DLGAP1: variants seen among roughly 807,000 people sequenced by gnomAD.
The protein encoded by DLGAP1 is disks large-associated protein 1.
A neutral mutation model predicts 90.8 loss-of-function variants in DLGAP1; 11 were observed. The ratio of observed to expected loss-of-function variants is 0.12; its 90% CI spans 0.08 to 0.20. The LOEUF (loss-of-function observed/expected upper bound fraction) is 0.20. Ranked by LOEUF, DLGAP1 falls within the 10% of genes least tolerant of loss-of-function variation. The pLI is 1.00. For synonymous variants in DLGAP1, 558 were observed against 540.7 expected, an observed-to-expected ratio of 1.03 and a Z score of -0.44; for missense variants, 1,050 against 1,333.8, an observed-to-expected ratio of 0.79 and a Z score of 3.31.
chr18:3,671,643 G>C (rs1015390073), intron 7 of DLGAP1, among the ~76,000 whole-genome samples: 1 of 152,174 alleles, frequency 6.6e-6, no homozygotes, highest in Non-Finnish European at 1.5e-5. Context: ...AACAGATTTT[G>C]CATTTGTATT....
In DLGAP1 at chr18:3,797,809, C is replaced by T. The variant is rs1282687131; in HGVS notation, c.1172+16250G>A. ...CTGCTTCCCCAGTGATATGGTTTTG[C>T]TGTGTCCCCACCCAAATCTCATCTT... On this transcript the variant is annotated intron_variant, in intron 5 of 12. Transcript: ENST00000315677. Among the ~76,000 whole-genome samples, 3 of 152,292 alleles carry T rather than the reference C, an allele frequency of 2.0e-5. No individual in the cohort carries two copies. The East Asian group carries it at 5.8e-4, about 29-fold the overall frequency.
chr18:3,874,650 T>C, intron 4 of DLGAP1: 1 of 1,535,594 alleles, frequency 6.5e-7, no homozygotes, highest in Non-Finnish European at 8.7e-7. Flanking sequence ...TCCAAATGTA[T>C]AAGAGCCAAC....
intron 3 of DLGAP1, among the ~76,000 whole-genome samples, chr18:3,883,368 G>A (rs147364221): frequency 8.5e-4 from 129 of 152,294 alleles, no homozygotes; most frequent in African/African-American, 2.7e-3. Context: ...ATCTGGGAGC[G>A]CTCATGACAA....
At chr18:3,885,553 T>C (rs1004828613) in intron 3 of DLGAP1, 3 of 152,246 alleles carry the variant, frequency 2.0e-5, no homozygotes, top group Admixed American at 2.0e-4. Context: ...TAAGTAATGA[T>C]AACAATTGCT....
chr18:3,995,284 C>T (rs1599290022), intron 3 of DLGAP1: 1 of 151,866 alleles, frequency 6.6e-6, no homozygotes, highest in Non-Finnish European at 1.5e-5. Flanking sequence ...GACTGTGCTG[C>T]AAAGAAGCCC....
chr18:4,350,268 T>C (rs1047234227), intron 1 of DLGAP1, among the ~76,000 whole-genome samples: 2 of 152,176 alleles, frequency 1.3e-5, no homozygotes, highest in African/African-American at 4.8e-5. Context: ...AGTTATCGGA[T>C]ACAATGAAGT....
intron 2 of DLGAP1, among the ~76,000 whole-genome samples, chr18:4,008,236 C>T (rs1204319236): frequency 1.4e-4 from 21 of 151,634 alleles, no homozygotes; most frequent in Non-Finnish European, 7.4e-5. Flanking sequence ...TACACACACA[C>T]ACACACACAC....
chr18:3,613,761 T>A (rs551568672), intron 7 of DLGAP1, among the ~76,000 whole-genome samples: 7 of 152,288 alleles, frequency 4.6e-5, no homozygotes, highest in African/African-American at 1.7e-4. Context: ...GGCAATACAG[T>A]TTTATGCTTC....
intron 2 of DLGAP1, among the ~76,000 whole-genome samples, chr18:4,081,858 C>T (rs1189018443): frequency 3.3e-5 from 5 of 152,164 alleles, no homozygotes; most frequent in Non-Finnish European, 5.9e-5. Context: ...CCCTAAAAAT[C>T]ATTTACTATG....
At chr18:3,833,195 TTCCTTCCTTCCTTCC>T (rs1568210683) in intron 4 of DLGAP1, among the ~76,000 whole-genome samples, 13 of 100,614 alleles carry the variant, frequency 1.3e-4, no homozygotes, top group African/African-American at 5.0e-4. Flanking sequence ...CCTTCCTTCC[TTCCTTCCTTCCTTCC>T]TTCCTTCCTT....
chr18:3,580,647 A>G, intron 8 of DLGAP1: 4 of 1,604,296 alleles, frequency 2.5e-6, no homozygotes, highest in Non-Finnish European at 3.4e-6. Context: ...GCTGACCCAG[A>G]GGCGAGGAGA....
intron 5 of DLGAP1, among the ~76,000 whole-genome samples, chr18:3,778,243 C>A (rs1188823820): frequency 5.5e-4 from 83 of 152,056 alleles, no homozygotes; most frequent in Non-Finnish European, 7.4e-5. Flanking sequence ...GAGTTCAAGA[C>A]CAGCCTGGCC....
At chr18:4,019,997 G>A (rs75520110) in intron 2 of DLGAP1, among the ~76,000 whole-genome samples, 180 of 152,292 alleles carry the variant, frequency 1.2e-3, no homozygotes, top group African/African-American at 4.2e-3. Flanking sequence ...GACAACTCAC[G>A]TTTTATGTAG....
chr18:4,180,264 T>C (rs1409625601), intron 1 of DLGAP1, among the ~76,000 whole-genome samples: 2 of 152,186 alleles, frequency 1.3e-5, no homozygotes, highest in Admixed American at 1.3e-4. Flanking sequence ...CACTAGTGTT[T>C]GGCTTCAGTT....
At chr18:3,900,649 G>C (rs763933027) in intron 3 of DLGAP1, among the ~76,000 whole-genome samples, 1 of 152,134 alleles carries the variant, frequency 6.6e-6, no homozygotes, top group Non-Finnish European at 1.5e-5. Flanking sequence ...TCCAAGACTT[G>C]TAAAAGAGGA....
chr18:3,896,926 G>T (rs1392947612), intron 3 of DLGAP1: 1 of 152,314 alleles, frequency 6.6e-6, no homozygotes, highest in Non-Finnish European at 1.5e-5. Flanking sequence ...TACACAAAGA[G>T]GTTAAGAAGA....
chr18:4,169,581 A>G (rs2076990162), intron 1 of DLGAP1, among the ~76,000 whole-genome samples: 2 of 152,146 alleles, frequency 1.3e-5, no homozygotes, highest in South Asian at 2.1e-4. Context: ...AGCTCCCTCA[A>G]TGCTCCGATC....
intron 5 of DLGAP1, among the ~76,000 whole-genome samples, chr18:3,768,134 A>G (rs2064341296): frequency 6.6e-6 from 1 of 152,176 alleles, no homozygotes; most frequent in African/African-American, 2.4e-5. Context: ...ACATACAAAA[A>G]TCAGTTGTAT....
intron 1 of DLGAP1, among the ~76,000 whole-genome samples, chr18:4,234,252 T>C (rs1351436626): frequency 6.6e-6 from 1 of 152,164 alleles, no homozygotes; most frequent in African/African-American, 2.4e-5. Context: ...CAGAAAATTA[T>C]GTTAGTTGCA....
Sources: gnomAD v4.1 joint callset for allele counts (sites outside exome capture counted in the v4.1 genomes callset) on GRCh38, gnomAD v4.1.1 for gene constraint, MANE v1.5 for transcripts, NCBI Gene and HGNC (gene_info 2026-07-23, HGNC 2026-07-21) for gene names.